SGK3: variants seen among roughly 807,000 people sequenced by gnomAD.
The protein encoded by SGK3 is serum/glucocorticoid regulated kinase family member 3.
A neutral mutation model predicts 68.5 loss-of-function variants in SGK3; 47 were observed. The ratio of observed to expected loss-of-function variants is 0.69; its 90% CI spans 0.54 to 0.87. SGK3 has a LOEUF of 0.87. Ranked by LOEUF, SGK3 falls within the 40% of genes least tolerant of loss-of-function variation. The pLI, the probability that SGK3 is intolerant of heterozygous loss-of-function variation, is 0.00. For synonymous variants in SGK3, 181 were observed against 189.1 expected (o/e 0.96, Z 0.35); for missense variants, 479 against 575.5 (o/e 0.83, Z 1.72).
intron 4 of SGK3, among the ~76,000 whole-genome samples, chr8:66,806,828 A>G (rs1276056143): frequency 1.3e-5 from 2 of 151,970 alleles, no homozygotes; most frequent in Non-Finnish European, 2.9e-5. Context: ...AAAAAAAAAA[A>G]AAAGAAAACA....
chr8:66,821,552 A>G (rs1808822219), intron 5 of SGK3, among the ~76,000 whole-genome samples: 1 of 151,128 alleles, frequency 6.6e-6, no homozygotes, highest in African/African-American at 2.4e-5. Context: ...TCGCTCTGTC[A>G]CCCAGGCTGG....
chr8:66,784,930 G>A (rs1014152154), intron 1 of SGK3, among the ~76,000 whole-genome samples: 1 of 151,926 alleles, frequency 6.6e-6, no homozygotes, highest in African/African-American at 2.4e-5. Context: ...CTTTTCTTGT[G>A]TCCTCCTTAT....
intron 1 of SGK3, among the ~76,000 whole-genome samples, chr8:66,762,877 A>G (rs1240135685): frequency 6.6e-6 from 1 of 152,210 alleles, no homozygotes; most frequent in African/African-American, 2.4e-5. Context: ...TGCAGTCCCT[A>G]TAAATTGGAA....
intron 1 of SGK3, among the ~76,000 whole-genome samples, chr8:66,771,170 TAGAGA>T (rs767693565): frequency 2.6e-5 from 4 of 151,396 alleles, no homozygotes; most frequent in Non-Finnish European, 5.9e-5. Context: ...TGAGGAGAGG[TAGAGA>T]AAAGTTTCAA....
intron 1 of SGK3, among the ~76,000 whole-genome samples, chr8:66,764,648 A>T (rs376874605): frequency 3.7e-4 from 56 of 151,274 alleles, no homozygotes; most frequent in African/African-American, 1.3e-3. Context: ...TTTTTTTGTT[A>T]ATTTTGTCAG....
Position 66,840,046 on chromosome 8 carries a change from G to C in SGK3, c.785G>C (p.Arg262Thr), listed in dbSNP as rs749362374. 2.5e-6 allele frequency: 4 copies of C among 1,613,774 alleles called. No homozygotes were observed. Among genetic ancestry groups the C allele is most frequent in the Non-Finnish European group, 3.4e-6 (4 of 1,179,950 alleles). ...AGAGAACGGTCCTTTCCTGAGCACA[G>C]AGCTAGGTTTTACGCTGCTGAAATT... ...LQRERSFPEH[R>T]ARFYAAEIAS... The change falls in exon 11 of 17, where the codon AGA becomes ACA. Residue 262 changes from arginine (R) to threonine (T), a missense_variant. Arg to Thr is a moderately conservative substitution (Grantham distance 71, BLOSUM62 -1). Around this residue, in one of 3 missense-constraint regions of SGK3, gnomAD observed 298 missense variants for 329.4 expected, o/e 0.90. Coordinates refer to ENST00000521198, the MANE Select transcript of SGK3 (RefSeq NM_001033578.3).
intron 14 of SGK3, among the ~76,000 whole-genome samples, chr8:66,845,178 C>G (rs1396350213): frequency 6.6e-6 from 1 of 152,194 alleles, no homozygotes; most frequent in East Asian, 1.9e-4. Flanking sequence ...GCAGGCAGAT[C>G]ACCTTAGGTC....
chr8:66,793,809 A>C lies in SGK3; in HGVS notation c.73A>C (p.Arg25=). ...AAGCATTCCCAGCTCCGATGAACACAGAGAGAAAAAGAAGAGGTTTACTGT... is the reference window on the plus strand; with the variant it reads ...AAGCATTCCCAGCTCCGATGAACACCGAGAGAAAAAGAAGAGGTTTACTGT... ...SVSIPSSDEH[R]EKKKRFTVYK... Residue 25 remains arginine, a synonymous_variant, in exon 2 of 17, where the codon AGA becomes CGA. Coordinates refer to ENST00000521198, the MANE Select transcript of SGK3 (RefSeq NM_001033578.3). 2 of 1,613,058 alleles carry C rather than the reference A, an allele frequency of 1.2e-6. No homozygotes were observed. The highest frequency in any genetic ancestry group is 1.7e-6 in the Non-Finnish European group (2 of 1,179,296).
At chr8:66,730,458 A>G (rs138844534) in intron 1 of SGK3, among the ~76,000 whole-genome samples, 1 of 152,150 alleles carries the variant, frequency 6.6e-6, no homozygotes. Context: ...AATGAAACCC[A>G]TTTACTCGGT....
At chr8:66,845,253 G>A (rs1206375739) in intron 14 of SGK3, among the ~76,000 whole-genome samples, 1 of 151,984 alleles carries the variant, frequency 6.6e-6, no homozygotes, top group East Asian at 1.9e-4. Context: ...ACAAAAACTA[G>A]CCTGGCACAG....
chr8:66,848,496 A>G (rs1344857303), intron 15 of SGK3, among the ~76,000 whole-genome samples: 1 of 152,190 alleles, frequency 6.6e-6, no homozygotes, highest in African/African-American at 2.4e-5. Context: ...TTGTAAGGAA[A>G]ATAGAACCAT....
chr8:66,800,381 T>C (rs1807889497), intron 3 of SGK3, among the ~76,000 whole-genome samples: 1 of 135,064 alleles, frequency 7.4e-6, no homozygotes, highest in South Asian at 2.2e-4. Context: ...TTTCATTTCT[T>C]TTTTTTTTTT....
chr8:66,858,841 C>A (rs1325056116), intron 16 of SGK3, among the ~76,000 whole-genome samples: 3 of 151,928 alleles, frequency 2.0e-5, no homozygotes, highest in Non-Finnish European at 4.4e-5. Flanking sequence ...TGAGTGTGGT[C>A]CAAGACCATT....
intron 1 of SGK3, among the ~76,000 whole-genome samples, chr8:66,723,115 ATATATATATATATATATTTTTTT>A (rs1325428507): frequency 4.1e-5 from 2 of 48,778 alleles, no homozygotes; most frequent in South Asian, 6.5e-4. Flanking sequence ...ATATATATAT[ATATATATATATATATATTTTTTT>A]TTTTTTTTTT....
chr8:66,739,562 T>C (rs1805421644), intron 1 of SGK3, among the ~76,000 whole-genome samples: 1 of 152,004 alleles, frequency 6.6e-6, no homozygotes, highest in South Asian at 2.1e-4. Context: ...GCCCAGATAA[T>C]TTTTTGTATT....
intron 1 of SGK3, chr8:66,767,373 A>G (rs1806349755): frequency 1.7e-6 from 2 of 1,172,128 alleles, no homozygotes; most frequent in Middle Eastern, 1.9e-4. Flanking sequence ...AGAAATATAC[A>G]CAAACTCTAA....
chr8:66,782,102 A>T (rs1807010452), intron 1 of SGK3, among the ~76,000 whole-genome samples: 1 of 152,222 alleles, frequency 6.6e-6, no homozygotes, highest in Non-Finnish European at 1.5e-5. Flanking sequence ...CCTGAGAGGC[A>T]GAAATAAACA....
chr8:66,768,045 T>A (rs1563617112), intron 1 of SGK3: 1 of 629,446 alleles, frequency 1.6e-6, no homozygotes, highest in Non-Finnish European at 2.9e-6. Context: ...TAAGTATATA[T>A]CTTTAATTTA....
chr8:66,758,737 A>G (rs1189724843), intron 1 of SGK3, among the ~76,000 whole-genome samples: 1 of 152,150 alleles, frequency 6.6e-6, no homozygotes, highest in Non-Finnish European at 1.5e-5. Context: ...GCTGGTCTCA[A>G]ACTCCCGGGC....
Sources: gnomAD v4.1 joint callset for allele counts (sites outside exome capture counted in the v4.1 genomes callset) on GRCh38, gnomAD v4.1.1 for gene constraint, gnomAD v4.1.1 regional missense constraint, MANE v1.5 for transcripts, NCBI Gene and HGNC (gene_info 2026-07-23, HGNC 2026-07-21) for gene names.